The following DLC1 variants were observed in gnomAD, a reference collection of about 807,000 sequenced individuals.
The protein encoded by DLC1 is rho GTPase-activating protein 7.
A neutral mutation model predicts 140.3 loss-of-function variants in DLC1; 54 were observed. The observed-to-expected ratio is 0.38, with a 90% confidence interval of 0.31 to 0.48. The LOEUF (loss-of-function observed/expected upper bound fraction) is 0.48, where lower values mean the gene tolerates loss of function less well. Among genes scored for constraint, DLC1 ranks in the 20% least tolerant of loss-of-function variants. The pLI is 0.96. For synonymous variants in DLC1, 986 were observed against 728.1 expected (o/e 1.35, Z -5.70); for missense variants, 2,536 against 1,907.0 (o/e 1.33, Z -6.14).
chr8:13,436,593 T>G (rs1040757145), intron 2 of DLC1, among the ~76,000 whole-genome samples: 14 of 151,920 alleles, frequency 9.2e-5, no homozygotes, highest in African/African-American at 3.4e-4. Flanking sequence ...ACTAAAACAG[T>G]TTTTTATTTT....
chr8:13,152,521 C>A (rs927415325), intron 5 of DLC1, among the ~76,000 whole-genome samples: 1 of 152,060 alleles, frequency 6.6e-6, no homozygotes, highest in Non-Finnish European at 1.5e-5. Context: ...TTGAGGCAAC[C>A]TTTCCGAAGG....
chr8:13,265,681 C>G (rs969327047), intron 5 of DLC1, among the ~76,000 whole-genome samples: 4 of 151,650 alleles, frequency 2.6e-5, no homozygotes, highest in Non-Finnish European at 4.4e-5. Flanking sequence ...CTTCTTCCTT[C>G]TCTTCTTCCT....
At chr8:13,420,390 A>G (rs1345830651) in intron 2 of DLC1, among the ~76,000 whole-genome samples, 2 of 152,098 alleles carry the variant, frequency 1.3e-5, no homozygotes, top group African/African-American at 4.8e-5. Context: ...GAAATTGCCA[A>G]TAACTGACTA....
chr8:13,581,379 A>T (rs541965615), intron 1 of DLC1, among the ~76,000 whole-genome samples: 1 of 152,336 alleles, frequency 6.6e-6, no homozygotes, highest in African/African-American at 2.4e-5. Context: ...CTGTTCCCCC[A>T]GTCCTGTCTC....
At chr8:13,474,007 T>C (rs1195391713) in intron 2 of DLC1, among the ~76,000 whole-genome samples, 1 of 152,194 alleles carries the variant, frequency 6.6e-6, no homozygotes, top group Non-Finnish European at 1.5e-5. Flanking sequence ...TTTGCATAAG[T>C]AACGAGGAGC....
chr8:13,459,592 C>T (rs1363025468), intron 2 of DLC1, among the ~76,000 whole-genome samples: 2 of 152,124 alleles, frequency 1.3e-5, no homozygotes, highest in African/African-American at 2.4e-5. Flanking sequence ...GCTGGGAGTG[C>T]ACAGTGGTGA....
chr8:13,538,362 T>A (rs1009594423), intron 1 of DLC1, among the ~76,000 whole-genome samples: 9 of 147,806 alleles, frequency 6.1e-5, no homozygotes, highest in African/African-American at 2.1e-4. Context: ...GTGCCAGCAC[T>A]GAGTATAAAA....
intron 2 of DLC1, among the ~76,000 whole-genome samples, chr8:13,405,461 C>T (rs559829605): frequency 2.0e-5 from 3 of 152,230 alleles, no homozygotes; most frequent in Non-Finnish European, 2.9e-5. Flanking sequence ...CCAAATAATT[C>T]GGAAATATAA....
At chr8:13,565,826 T>C (rs1199379312) in intron 1 of DLC1, among the ~76,000 whole-genome samples, 1 of 152,198 alleles carries the variant, frequency 6.6e-6, no homozygotes, top group Non-Finnish European at 1.5e-5. Flanking sequence ...AGTTAACATT[T>C]TATAATTTCT....
chr8:13,582,255 C>G (rs886973900), intron 1 of DLC1, among the ~76,000 whole-genome samples: 1 of 152,282 alleles, frequency 6.6e-6, no homozygotes. Flanking sequence ...AAACATTTTG[C>G]ATACACTCTC....
chr8:13,236,501 C>A (rs1165894319), intron 5 of DLC1, among the ~76,000 whole-genome samples: 1 of 152,036 alleles, frequency 6.6e-6, no homozygotes, highest in Non-Finnish European at 1.5e-5. Flanking sequence ...TCGTTTTACC[C>A]ATTCCCACAG....
At chr8:13,176,334 T>A (rs150257848) in intron 5 of DLC1, among the ~76,000 whole-genome samples, 12,273 of 152,262 alleles carry the variant, frequency 0.081, 670 homozygotes, top group South Asian at 0.16. Flanking sequence ...ATCCCAGCAC[T>A]TTGGGAGGCC....
At chr8:13,260,660 G>C (rs1830437561) in intron 5 of DLC1, among the ~76,000 whole-genome samples, 2 of 152,154 alleles carry the variant, frequency 1.3e-5, no homozygotes, top group Admixed American at 1.3e-4. Context: ...ATATCCAACT[G>C]ATGCTGGAAG....
rs1349114012 is a variant in DLC1, at chr8:13,292,708, A to G, written c.1348+12561T>C. Among the ~76,000 whole-genome samples the G allele has an allele frequency of 2.6e-5, 4 of 152,240 alleles. 1 individual carries two copies. The South Asian group carries it at 6.2e-4, about 24-fold the overall frequency. On this transcript the variant is annotated intron_variant, in intron 5 of 17. Transcript: ENST00000276297. Reference sequence around the variant, plus strand: ...TTTAAATAGAAAAATGCTAAGTGATAGAATTCAAGTTAAGTCTAACAGAAT... The same window carrying G: ...TTTAAATAGAAAAATGCTAAGTGATGGAATTCAAGTTAAGTCTAACAGAAT...
intron 7 of DLC1, among the ~76,000 whole-genome samples, chr8:13,108,779 T>C (rs892953115): frequency 3.3e-5 from 5 of 152,154 alleles, no homozygotes; most frequent in African/African-American, 7.2e-5. Flanking sequence ...CAGTGATGGA[T>C]TGAAAACAGA....
intron 2 of DLC1, among the ~76,000 whole-genome samples, chr8:13,497,641 C>CA (rs1257797321): frequency 6.6e-6 from 1 of 152,088 alleles, no homozygotes; most frequent in Non-Finnish European, 1.5e-5. Context: ...TTTCCATTGG[C>CA]AGTTGGGTGG....
chr8:13,513,219 T>C (rs1239943308), intron 1 of DLC1, among the ~76,000 whole-genome samples: 4 of 152,110 alleles, frequency 2.6e-5, no homozygotes. Context: ...CCTCAAGCCA[T>C]TGTTAGAGGA....
At chr8:13,600,514 C>T (rs999037598) in intron 1 of DLC1, among the ~76,000 whole-genome samples, 4 of 151,966 alleles carry the variant, frequency 2.6e-5, no homozygotes, top group Non-Finnish European at 5.9e-5. Context: ...CATTTTCTGT[C>T]AGTTACTAGC....
chr8:13,604,107 A>T (rs1468265098), intron 1 of DLC1, among the ~76,000 whole-genome samples: 2 of 152,162 alleles, frequency 1.3e-5, no homozygotes, highest in Non-Finnish European at 2.9e-5. Flanking sequence ...TGCTGAAATT[A>T]TTCAATAAAA....
Sources: gnomAD v4.1 joint callset for allele counts (sites outside exome capture counted in the v4.1 genomes callset) on GRCh38, gnomAD v4.1.1 for gene constraint, MANE v1.5 for transcripts, NCBI Gene and HGNC (gene_info 2026-07-23, HGNC 2026-07-21) for gene names.